C1GALT1: variants seen among roughly 807,000 people sequenced by gnomAD.
The protein encoded by C1GALT1 is glycoprotein-N-acetylgalactosamine 3-beta-galactosyltransferase 1.
A neutral mutation model predicts 31.0 loss-of-function variants in C1GALT1; 11 were observed. That is an observed-to-expected ratio of 0.36 (90% CI 0.22 to 0.59). The LOEUF (loss-of-function observed/expected upper bound fraction) is 0.59, where lower values mean the gene tolerates loss of function less well. Ranked by LOEUF, C1GALT1 falls within the 20% of genes least tolerant of loss-of-function variation. C1GALT1 has a pLI of 0.79. For synonymous variants in C1GALT1, 175 were observed against 143.6 expected (o/e 1.22, Z -1.56); for missense variants, 424 against 425.2 (o/e 1.00, Z 0.03).
At chr7:7,165,619 G>A (rs545097824) in intron 2 of C1GALT1, among the ~76,000 whole-genome samples, 1 of 152,174 alleles carries the variant, frequency 6.6e-6, no homozygotes, top group South Asian at 2.1e-4. Flanking sequence ...AGAAAGGCAT[G>A]TACTGCTATA....
chr7:7,243,714 T>C lies in C1GALT1; in HGVS notation c.1079T>C (p.Leu360Ser). 1 of 1,600,540 alleles carries C rather than the reference T, an allele frequency of 6.2e-7. No individual in the cohort carries two copies. Among genetic ancestry groups the C allele is most frequent in the Non-Finnish European group, 8.5e-7 (1 of 1,174,744 alleles). ...ANKNEDTKVK[L>S]GNP ...AAAAATGAAGATACAAAAGTGAAGT[T>C]AGGAAATCCTTGAAAGAAAATCATG... is the stretch of plus-strand genomic sequence containing the variant. The change falls in exon 4 of 4, where the codon TTA becomes TCA. Residue 360 changes from leucine (L) to serine (S), a missense_variant. Physicochemically the swap from Leu to Ser is moderately radical, Grantham distance 145. Coordinates refer to ENST00000436587, the MANE Select transcript of C1GALT1 (RefSeq NM_020156.5).
At chr7:7,210,412 ATTCTTTT>A (rs1781939653) in intron 1 of C1GALT1, 3 of 70,698 alleles carry the variant, frequency 4.2e-5, no homozygotes. Context: ...TGGTGGGCAG[ATTCTTTT>A]TTTTTTTTTT....
chr7:7,235,010 A>T (rs913732427), intron 2 of C1GALT1: 1 of 153,228 alleles, frequency 6.5e-6, no homozygotes, highest in African/African-American at 2.4e-5. Flanking sequence ...AAAACCAAGG[A>T]TGCGTTCTAA....
intron 2 of C1GALT1, among the ~76,000 whole-genome samples, chr7:7,163,763 C>T (rs986877808): frequency 3.0e-4 from 46 of 152,102 alleles, no homozygotes; most frequent in East Asian, 1.2e-3. Context: ...TTACAAGGGA[C>T]GTGAAGGACC....
chr7:7,226,902 T>C (rs181304684), intron 1 of C1GALT1, among the ~76,000 whole-genome samples: 2 of 152,218 alleles, frequency 1.3e-5, no homozygotes, highest in East Asian at 3.9e-4. Flanking sequence ...CAAAAATTGG[T>C]TGTGGCAGAG....
At chr7:7,239,607 A>C (rs1477353619) in intron 3 of C1GALT1, among the ~76,000 whole-genome samples, 1 of 152,206 alleles carries the variant, frequency 6.6e-6, no homozygotes, top group Non-Finnish European at 1.5e-5. Flanking sequence ...TTGTAATTAC[A>C]ACATAGTACA....
At chr7:7,178,926 C>G (rs968018422), upstream of C1GALT1, among the ~76,000 whole-genome samples, 7 of 152,136 alleles carry the variant, frequency 4.6e-5, no homozygotes, top group African/African-American at 1.7e-4. Flanking sequence ...TCAGGAGCAC[C>G]TTAGCTGAAT....
intron 1 of C1GALT1, among the ~76,000 whole-genome samples, chr7:7,227,191 TA>T (rs1782804174): frequency 6.6e-6 from 1 of 152,216 alleles, no homozygotes; most frequent in Non-Finnish European, 1.5e-5. Flanking sequence ...GTTAATTCTT[TA>T]AAAACGAGAT....
At chr7:7,214,750 G>T (rs74448539) in intron 1 of C1GALT1, among the ~76,000 whole-genome samples, 8 of 152,146 alleles carry the variant, frequency 5.3e-5, no homozygotes, top group Non-Finnish European at 8.8e-5. Context: ...GGGGTAGGCC[G>T]AACAAACTTT....
At chr7:7,191,631 T>G (rs968791204) in intron 1 of C1GALT1, among the ~76,000 whole-genome samples, 1 of 151,604 alleles carries the variant, frequency 6.6e-6, no homozygotes, top group Non-Finnish European at 1.5e-5. Flanking sequence ...CACATTCTCT[T>G]CAACACTTAA....
chr7:7,168,382 C>G (rs1278400377), intron 2 of C1GALT1, among the ~76,000 whole-genome samples: 1 of 152,060 alleles, frequency 6.6e-6, no homozygotes, highest in African/African-American at 2.4e-5. Context: ...TTAAAAAATA[C>G]CACCTGGTGA....
chr7:7,220,558 G>C (rs546487486), intron 1 of C1GALT1, among the ~76,000 whole-genome samples: 3 of 151,684 alleles, frequency 2.0e-5, no homozygotes, highest in Admixed American at 6.6e-5. Context: ...TCACTCTGTC[G>C]CCAGGCTGGA....
intron 1 of C1GALT1, among the ~76,000 whole-genome samples, chr7:7,223,961 G>C (rs777660168): frequency 1.3e-5 from 2 of 152,028 alleles, no homozygotes; most frequent in Non-Finnish European, 2.9e-5. Context: ...TTTTCTGAGA[G>C]TTATTTGTCC....
chr7:7,188,601 T>A (rs1196288774), intron 1 of C1GALT1, among the ~76,000 whole-genome samples: 5 of 152,078 alleles, frequency 3.3e-5, no homozygotes, highest in African/African-American at 9.7e-5. Flanking sequence ...TAAAAAAAAA[T>A]TTGTCCTTCC....
intron 1 of C1GALT1, 155 bp from the exon 2 acceptor site, chr7:7,234,148 T>C: frequency 1.6e-6 from 1 of 620,380 alleles, no homozygotes; most frequent in Non-Finnish European, 2.8e-6. Flanking sequence ...CATAATGTGC[T>C]GTTTTAGCAG....
chr7:7,166,155 A>G (rs1562551671), intron 2 of C1GALT1, among the ~76,000 whole-genome samples: 1 of 152,144 alleles, frequency 6.6e-6, no homozygotes, highest in Non-Finnish European at 1.5e-5. Context: ...AAAAACCAAG[A>G]CTCAGGGAGA....
chr7:7,242,921 G>A (rs957817362), intron 3 of C1GALT1, among the ~76,000 whole-genome samples: 11 of 152,076 alleles, frequency 7.2e-5, no homozygotes, highest in African/African-American at 2.7e-4. Flanking sequence ...TTTTACAAAT[G>A]TGGAAATTAA....
chr7:7,159,133 C>A (rs1202295924), intron 2 of C1GALT1, among the ~76,000 whole-genome samples: 1 of 152,068 alleles, frequency 6.6e-6, no homozygotes, highest in East Asian at 1.9e-4. Flanking sequence ...AGTCAAGAAT[C>A]ATGAAGGTGT....
chr7:7,158,766 T>C (rs1780301441), intron 2 of C1GALT1, among the ~76,000 whole-genome samples: 1 of 152,060 alleles, frequency 6.6e-6, no homozygotes, highest in East Asian at 1.9e-4. Flanking sequence ...AATAAGTGTT[T>C]GTTCCTTTTG....
Sources: allele counts gnomAD v4.1 joint callset (sites outside exome capture counted in the v4.1 genomes callset), GRCh38; gene constraint gnomAD v4.1.1; transcripts MANE v1.5; gene names NCBI Gene and HGNC (gene_info 2026-07-23, HGNC 2026-07-21).